The following BICRAL variants were observed in gnomAD, a reference collection of about 807,000 sequenced individuals.
BICRAL encodes the protein BRD4-interacting chromatin-remodeling complex-associated protein-like.
Under a neutral mutation model 91.8 loss-of-function variants are expected in BICRAL, and 8 were observed. The ratio of observed to expected loss-of-function variants is 0.09; its 90% CI spans 0.05 to 0.16. The LOEUF (loss-of-function observed/expected upper bound fraction) is 0.16. Ranked by LOEUF, BICRAL falls within the 10% of genes least tolerant of loss-of-function variation. BICRAL has a pLI of 1.00. For synonymous variants in BICRAL, 445 were observed against 491.1 expected (o/e 0.91, Z 1.24); for missense variants, 1,038 against 1,310.9 (o/e 0.79, Z 3.21).
chr6:42,854,664 C>T (rs547763576), intron 8 of BICRAL, among the ~76,000 whole-genome samples: 16 of 151,930 alleles, frequency 1.1e-4, no homozygotes, highest in South Asian at 4.2e-4. Flanking sequence ...ACTACAGGCA[C>T]GCACCACCAC....
intron 1 of BICRAL, among the ~76,000 whole-genome samples, chr6:42,754,264 C>T (rs898328125): frequency 6.6e-5 from 10 of 151,962 alleles, no homozygotes; most frequent in East Asian, 1.9e-4. Flanking sequence ...CTCCACCTCC[C>T]GAGTTCATGC....
intron 1 of BICRAL, among the ~76,000 whole-genome samples, chr6:42,761,663 T>G (rs1347475976): frequency 6.6e-6 from 1 of 152,020 alleles, no homozygotes; most frequent in Non-Finnish European, 1.5e-5. Flanking sequence ...GTCCCAGAAC[T>G]TTGGGAGGCT....
At chr6:42,821,705 C>T (rs992225219) in intron 2 of BICRAL, among the ~76,000 whole-genome samples, 3 of 152,266 alleles carry the variant, frequency 2.0e-5, no homozygotes, top group Admixed American at 6.5e-5. Context: ...GAGGAAGTTA[C>T]TGTTCATGGT....
chr6:42,843,801 T>C (rs1228706960), intron 6 of BICRAL, among the ~76,000 whole-genome samples: 2 of 1,154 alleles, frequency 1.7e-3, no homozygotes, highest in African/African-American at 6.8e-3. Context: ...AAATTTCTTC[T>C]TTTTTTTTTT....
At chr6:42,762,709 C>T (rs903282258) in intron 1 of BICRAL, among the ~76,000 whole-genome samples, 2 of 152,124 alleles carry the variant, frequency 1.3e-5, no homozygotes, top group African/African-American at 4.8e-5. Context: ...GCACTTATTC[C>T]TTGAGCCTAG....
At chr6:42,805,759 T>G (rs1206167734) in intron 1 of BICRAL, among the ~76,000 whole-genome samples, 1 of 152,032 alleles carries the variant, frequency 6.6e-6, no homozygotes, top group East Asian at 1.9e-4. Flanking sequence ...CCCAGCACTT[T>G]GGAAGGCCGA....
intron 6 of BICRAL, among the ~76,000 whole-genome samples, chr6:42,838,766 G>T (rs1444786159): frequency 6.6e-6 from 1 of 152,134 alleles, no homozygotes; most frequent in Non-Finnish European, 1.5e-5. Flanking sequence ...TTTGAGACCA[G>T]CCAGGCCAAC....
chr6:42,856,898 C>T (rs1321162519), intron 9 of BICRAL, among the ~76,000 whole-genome samples, 193 bp from the exon 10 acceptor site: 1 of 152,046 alleles, frequency 6.6e-6, no homozygotes, highest in Non-Finnish European at 1.5e-5. Context: ...CTTTTGAGGT[C>T]AGGGTCATAG....
chr6:42,778,369 C>T (rs1762831318), upstream of BICRAL, among the ~76,000 whole-genome samples: 1 of 152,156 alleles, frequency 6.6e-6, no homozygotes, highest in African/African-American at 2.4e-5. Context: ...ACTGATGTTC[C>T]CAGGCAAATT....
chr6:42,851,037 T>G (rs1347995330), intron 6 of BICRAL, among the ~76,000 whole-genome samples: 2 of 150,590 alleles, frequency 1.3e-5, no homozygotes, highest in East Asian at 4.0e-4. Context: ...ATAGAAAAAT[T>G]AGCCGGACGT....
At chr6:42,856,443 C>T (rs1008405675) in intron 9 of BICRAL, among the ~76,000 whole-genome samples, 3 of 125,034 alleles carry the variant, frequency 2.4e-5, no homozygotes, top group African/African-American at 3.2e-5. Context: ...GGGACGATCT[C>T]GGCTCACTAC....
chr6:42,754,520 CAG>C (rs1179901488), intron 1 of BICRAL, among the ~76,000 whole-genome samples: 3 of 152,164 alleles, frequency 2.0e-5, no homozygotes, highest in East Asian at 1.9e-4. Context: ...ATAATTGAAA[CAG>C]ATGTTTTAAG....
Position 42,775,537 on chromosome 6 carries a change from G to A in BICRAL, c.-260-6302G>A, listed in dbSNP as rs531041280. Among the ~76,000 whole-genome samples the A allele has an allele frequency of 7.9e-4, 120 of 152,254 alleles. 1 individual carries two copies. Among genetic ancestry groups the A allele is most frequent in the South Asian group, 6.6e-3 (32 of 4,826 alleles). On this transcript the variant is annotated intron_variant, in intron 1 of 14. Coordinates refer to the BICRAL transcript ENST00000614467. The stretch of plus-strand genomic sequence containing the variant: ...GGGAGCCAGTGAATGGCACATCCTG[G>A]GCATGCCTTCCAACAGCATGTGGTG...
At chr6:42,760,555 CATT>C (rs199762537) in intron 1 of BICRAL, among the ~76,000 whole-genome samples, 7 of 151,140 alleles carry the variant, frequency 4.6e-5, no homozygotes, top group African/African-American at 1.7e-4. Flanking sequence ...GTGGTTTCAA[CATT>C]ATTATTATTA....
At chr6:42,852,390 G>T (rs781361079) in intron 7 of BICRAL, 193 bp downstream of exon 7, 1 of 677,150 alleles carries the variant, frequency 1.5e-6, no homozygotes, top group Non-Finnish European at 2.7e-6. Flanking sequence ...GGCCGGGCAC[G>T]GTGGCTCACG....
intron 6 of BICRAL, among the ~76,000 whole-genome samples, chr6:42,844,291 C>T (rs1764912355): frequency 6.7e-6 from 1 of 149,678 alleles, no homozygotes; most frequent in African/African-American, 2.4e-5. Context: ...AGGCGGATCA[C>T]GAGGTCAGGA....
chr6:42,775,115 T>G (rs1381636108), intron 1 of BICRAL, among the ~76,000 whole-genome samples: 10 of 152,104 alleles, frequency 6.6e-5, no homozygotes. Context: ...GTATTTTTGG[T>G]AGAGACAGGG....
intron 1 of BICRAL, among the ~76,000 whole-genome samples, chr6:42,748,414 G>C (rs1020778172): frequency 1.3e-5 from 2 of 152,168 alleles, no homozygotes; most frequent in African/African-American, 4.8e-5. Context: ...TTCGGTATTA[G>C]GCATAGTGAA....
chr6:42,757,915 G>T (rs1364526430), intron 1 of BICRAL, among the ~76,000 whole-genome samples: 2 of 152,216 alleles, frequency 1.3e-5, no homozygotes, highest in Non-Finnish European at 2.9e-5. Context: ...CTAGAGCTAA[G>T]ATTTGAATGG....
Sources: gnomAD v4.1 joint callset for allele counts (sites outside exome capture counted in the v4.1 genomes callset) on GRCh38, gnomAD v4.1.1 for gene constraint, MANE v1.5 for transcripts, NCBI Gene and HGNC (gene_info 2026-07-23, HGNC 2026-07-21) for gene names.